The following CTNNA2 variants were observed in gnomAD, a reference collection of about 807,000 sequenced individuals.
The protein encoded by CTNNA2 is catenin alpha 2.
CTNNA2 carries 42 observed loss-of-function variants against 101.0 expected under a neutral mutation model. The ratio of observed to expected loss-of-function variants is 0.42; its 90% CI spans 0.32 to 0.54. CTNNA2 has a LOEUF of 0.54. Ranked by LOEUF, CTNNA2 falls within the 20% of genes least tolerant of loss-of-function variation. The pLI, the probability that CTNNA2 is intolerant of heterozygous loss-of-function variation, is 0.14. For synonymous variants in CTNNA2, 450 were observed against 456.4 expected (o/e 0.99, Z 0.18); for missense variants, 871 against 1,223.1 (o/e 0.71, Z 4.29).
chr2:79,236,768 T>C (rs1378563566), intron 2 of CTNNA2, among the ~76,000 whole-genome samples: 1 of 152,238 alleles, frequency 6.6e-6, no homozygotes, highest in Non-Finnish European at 1.5e-5. Context: ...TTTCTTTGCT[T>C]ATCCATAAGA....
At chr2:79,231,366 C>A (rs888804996) in intron 2 of CTNNA2, among the ~76,000 whole-genome samples, 1 of 152,184 alleles carries the variant, frequency 6.6e-6, no homozygotes, top group Non-Finnish European at 1.5e-5. Flanking sequence ...TTGCTTCCTC[C>A]TCATTCTGTC....
chr2:79,871,173 G>C (rs941109566), intron 5 of CTNNA2, among the ~76,000 whole-genome samples: 1 of 152,064 alleles, frequency 6.6e-6, no homozygotes, highest in Non-Finnish European at 1.5e-5. Flanking sequence ...CTTTCTCTCT[G>C]ACCAACAGGA....
At chr2:80,364,659 C>G (rs61265411) in intron 7 of CTNNA2, among the ~76,000 whole-genome samples, 12,825 of 148,308 alleles carry the variant, frequency 0.086, 890 homozygotes, top group African/African-American at 0.2. Context: ...ACTCCTCATA[C>G]TTTTCTTTCC....
chr2:80,048,277 A>T (rs2104316683), intron 7 of CTNNA2, among the ~76,000 whole-genome samples: 1 of 152,334 alleles, frequency 6.6e-6, no homozygotes, highest in Non-Finnish European at 1.5e-5. Flanking sequence ...AATTTAATTG[A>T]GAGACATGTA....
At chr2:80,473,665 T>C (rs1685491308) in intron 9 of CTNNA2, among the ~76,000 whole-genome samples, 1 of 152,220 alleles carries the variant, frequency 6.6e-6, no homozygotes, top group Non-Finnish European at 1.5e-5. Context: ...TACATTTTAC[T>C]AAACTTTCTC....
intron 2 of CTNNA2, among the ~76,000 whole-genome samples, chr2:79,251,651 G>A (rs1674772099): frequency 6.6e-6 from 1 of 152,072 alleles, no homozygotes; most frequent in African/African-American, 2.4e-5. Flanking sequence ...GGCCCACATG[G>A]TAAAGAACCG....
rs1306997358 is a variant in CTNNA2 at position 79,916,606 on chromosome 2, G to A, written c.1056+6809G>A. Among the ~76,000 whole-genome samples the A allele has an allele frequency of 2.6e-5, 3 of 117,028 alleles. 1 individual carries two copies. 76.8% of individuals were successfully genotyped at this position (117,028 alleles called of 152,430 possible). A position where few individuals can be genotyped will look rare whatever the true frequency, so the allele number is the denominator to read the frequency against. On this transcript the variant is annotated intron_variant, in intron 7 of 18. Coordinates refer to ENST00000402739, the MANE Select transcript of CTNNA2 (RefSeq NM_001282597.3). ...TTTTTTTTTTTGACGGAGGAGTCTC[G>A]CTGTATCACCCATGCTGGAGTACAG...
At chr2:79,807,081 C>T (rs10166591) in intron 3 of CTNNA2, among the ~76,000 whole-genome samples, 55,010 of 151,810 alleles carry the variant, frequency 0.36, 11,657 homozygotes, top group East Asian at 0.65. Flanking sequence ...CACTTCCAGG[C>T]CACCTTTCTT....
intron 7 of CTNNA2, among the ~76,000 whole-genome samples, chr2:80,309,045 C>G (rs1267217397): frequency 2.6e-5 from 4 of 151,786 alleles, no homozygotes; most frequent in Non-Finnish European, 5.9e-5. Flanking sequence ...GCCGAGATCA[C>G]GCCACTGCAT....
At chr2:79,746,730 TCCCAG>T (rs952220297) in intron 3 of CTNNA2, among the ~76,000 whole-genome samples, 6 of 152,200 alleles carry the variant, frequency 3.9e-5, no homozygotes, top group Non-Finnish European at 2.9e-5. Context: ...TTTCTACACT[TCCCAG>T]CTCAAGGAAT....
intron 2 of CTNNA2, among the ~76,000 whole-genome samples, chr2:79,200,143 G>A: frequency 6.6e-6 from 1 of 152,066 alleles, no homozygotes; most frequent in East Asian, 1.9e-4. Context: ...CAGCATTTTG[G>A]GAGGCCAAGG....
chr2:79,258,174 A>C (rs2104282582), intron 2 of CTNNA2, among the ~76,000 whole-genome samples: 1 of 152,286 alleles, frequency 6.6e-6, no homozygotes, highest in South Asian at 2.1e-4. Context: ...TCATTTGATG[A>C]GGGGCAGGGG....
At chr2:79,254,923 T>A (rs1674822115) in intron 2 of CTNNA2, among the ~76,000 whole-genome samples, 2 of 152,030 alleles carry the variant, frequency 1.3e-5, no homozygotes, top group Non-Finnish European at 2.9e-5. Context: ...CCTAGTAGAG[T>A]AGGGGCAAGG....
At chr2:80,188,277 C>A (rs876362) in intron 7 of CTNNA2, among the ~76,000 whole-genome samples, 24,875 of 152,100 alleles carry the variant, frequency 0.16, 2,473 homozygotes, top group South Asian at 0.31. Context: ...AAGATCCTTG[C>A]AAGGGAGAAA....
chr2:79,370,602 A>G (rs927905381), intron 3 of CTNNA2, among the ~76,000 whole-genome samples: 11 of 152,152 alleles, frequency 7.2e-5, no homozygotes, highest in Non-Finnish European at 1.5e-4. Context: ...AACTCCCTGT[A>G]TTATTTTTTA....
At chr2:79,230,620 T>C (rs1432403960) in intron 2 of CTNNA2, among the ~76,000 whole-genome samples, 1 of 152,084 alleles carries the variant, frequency 6.6e-6, no homozygotes, top group African/African-American at 2.4e-5. Context: ...TGGGGCACCA[T>C]CTAGTGGAGC....
intron 3 of CTNNA2, chr2:79,340,300 A>G (rs1436782615): frequency 6.6e-6 from 1 of 152,200 alleles, no homozygotes; most frequent in Non-Finnish European, 1.5e-5. Flanking sequence ...ATAAGACTTT[A>G]AAGGTCATGT....
chr2:80,506,237 C>T lies in CTNNA2; in HGVS notation c.1291-38745C>T, dbSNP rs538624648. On this transcript the variant is annotated intron_variant, in intron 9 of 18. Coordinates refer to ENST00000402739, the MANE Select transcript of CTNNA2 (RefSeq NM_001282597.3). ...AGTAACAGTTACTGGTTAGAGGAGTCGAGGAGGCTTCCTGGAGGAGGCAGC... is the reference window on the plus strand; with the variant it reads ...AGTAACAGTTACTGGTTAGAGGAGTTGAGGAGGCTTCCTGGAGGAGGCAGC... 1.2e-4 allele frequency among the ~76,000 whole-genome samples: 18 copies of T among 152,138 alleles called. No individual in the cohort carries two copies. The South Asian group carries it at 1.5e-3, about 12-fold the overall frequency.
At position 79,874,060 on chromosome 2, in the gene CTNNA2, T is replaced by C. The variant is rs1682810113; in HGVS notation, c.586-16T>C. ...AATTTCATGTGTGTGACAGCTTTCA[T>C]GTGTTACACACACAGGAGCTGAAGG... On this transcript the variant is annotated splice_polypyrimidine_tract_variant and intron_variant, in intron 5 of 18. Transcript: ENST00000402739. 6.2e-7 allele frequency: 1 copy of C among 1,612,490 alleles called. No individual in the cohort carries two copies. Among genetic ancestry groups the C allele is most frequent in the Non-Finnish European group, 8.5e-7 (1 of 1,178,868 alleles).
Sources: allele counts gnomAD v4.1 joint callset (sites outside exome capture counted in the v4.1 genomes callset), GRCh38; gene constraint gnomAD v4.1.1; transcripts MANE v1.5; gene names NCBI Gene and HGNC (gene_info 2026-07-23, HGNC 2026-07-21).